WDPCP: variants seen among roughly 807,000 people sequenced by gnomAD.
WDPCP encodes WD repeat containing planar cell polarity effector.
Under a neutral mutation model 93.1 loss-of-function variants are expected in WDPCP, and 71 were observed. That is an observed-to-expected ratio of 0.76 (90% CI 0.63 to 0.93). The LOEUF is 0.93. WDPCP is among the 40% of genes least tolerant of loss of function. WDPCP has a pLI of 0.00. For synonymous variants in WDPCP, 315 were observed against 315.0 expected (o/e 1.00, Z 0.00); for missense variants, 844 against 887.4 (o/e 0.95, Z 0.62).
chr2:63,430,905 A>G lies in WDPCP; in HGVS notation c.825+2840T>C, dbSNP rs576621761. 1.2e-4 allele frequency among the ~76,000 whole-genome samples: 18 copies of G among 152,330 alleles called. No individual in the cohort carries two copies. In the East Asian group the frequency reaches 3.1e-3, roughly 26 times the overall value. On this transcript the variant is annotated intron_variant, in intron 9 of 17. Coordinates refer to ENST00000272321, the MANE Select transcript of WDPCP (RefSeq NM_015910.7). ...AAAATATATGTGTGGACTGTTGTTT[A>G]GAGTTCTGTGGTGTGAAATTAGACC...
In WDPCP at chr2:63,424,633, C is replaced by G. The variant is rs185531828; in HGVS notation, c.825+9112G>C. 4.1e-3 allele frequency among the ~76,000 whole-genome samples: 624 copies of G among 152,348 alleles called. 21 individuals carry two copies. The highest frequency in any genetic ancestry group is 0.038 in the Admixed American group (583 of 15,306). ...CCCAATCCCCCAGGGTTACAGCACA[C>G]AGCTCAGGGGAGCCAAGCTGAGATC... On this transcript the variant is annotated intron_variant, in intron 9 of 17. Transcript: ENST00000272321.
chr2:63,818,175 A>T (rs1218912282), intron 1 of WDPCP, among the ~76,000 whole-genome samples: 2 of 152,222 alleles, frequency 1.3e-5, no homozygotes, highest in Non-Finnish European at 1.5e-5. Context: ...CTAGCAGCCT[A>T]AGCAATCCCA....
chr2:63,693,452 T>C (rs1434414127), intron 2 of WDPCP, among the ~76,000 whole-genome samples: 1 of 146,230 alleles, frequency 6.8e-6, no homozygotes, highest in Non-Finnish European at 1.5e-5. Context: ...GATAGATAGA[T>C]AGATAGATAG....
chr2:63,184,585 G>A (rs114852395), intron 14 of WDPCP, among the ~76,000 whole-genome samples: 1,969 of 151,838 alleles, frequency 0.013, 38 homozygotes, highest in African/African-American at 0.042. Context: ...GAAGTCCACC[G>A]TTAGTCTGAT....
intron 17 of WDPCP, among the ~76,000 whole-genome samples, chr2:63,128,007 C>T (rs1258496650): frequency 6.6e-6 from 1 of 151,936 alleles, no homozygotes; most frequent in Non-Finnish European, 1.5e-5. Context: ...GGTGTGGTAG[C>T]GTGCTTCTGT....
At chr2:63,234,037 A>T (rs1164140726) in intron 14 of WDPCP, among the ~76,000 whole-genome samples, 1 of 152,220 alleles carries the variant, frequency 6.6e-6, no homozygotes, top group African/African-American at 2.4e-5. Flanking sequence ...ATTTTTACTC[A>T]TGGGTAAAAT....
chr2:63,796,070 T>C (rs193100667), intron 2 of WDPCP, among the ~76,000 whole-genome samples: 2 of 152,344 alleles, frequency 1.3e-5, no homozygotes, highest in South Asian at 2.1e-4. Flanking sequence ...AGAAGATTTC[T>C]GGTAAAGGTT....
At chr2:63,665,275 G>A (rs1710269318) in intron 2 of WDPCP, among the ~76,000 whole-genome samples, 1 of 152,182 alleles carries the variant, frequency 6.6e-6, no homozygotes, top group Non-Finnish European at 1.5e-5. Context: ...TGTGAGGGAA[G>A]AATCTGTTCT....
At chr2:63,811,350 A>G (rs1282898792) in intron 2 of WDPCP, among the ~76,000 whole-genome samples, 1 of 152,202 alleles carries the variant, frequency 6.6e-6, no homozygotes, top group South Asian at 2.1e-4. Context: ...GACTCACTCT[A>G]GAGACTTTCC....
chr2:63,721,704 C>T (rs1172804841), intron 2 of WDPCP, among the ~76,000 whole-genome samples: 2 of 148,550 alleles, frequency 1.3e-5, no homozygotes, highest in Admixed American at 1.3e-4. Context: ...CTCCCGCTCC[C>T]CCTGCCCCTC....
At chr2:63,451,124 C>T (rs75978849) in intron 6 of WDPCP, among the ~76,000 whole-genome samples, 5,368 of 151,470 alleles carry the variant, frequency 0.035, 364 homozygotes, top group African/African-American at 0.12. Context: ...AAGATATGAA[C>T]GAGAAATTTA....
At chr2:63,802,834 A>G (rs1458438442) in intron 2 of WDPCP, among the ~76,000 whole-genome samples, 1 of 152,226 alleles carries the variant, frequency 6.6e-6, no homozygotes, top group Non-Finnish European at 1.5e-5. Context: ...TCTTTAGGAC[A>G]TTTTAAACTG....
chr2:63,398,581 A>G (rs1693920692), intron 10 of WDPCP, among the ~76,000 whole-genome samples: 1 of 152,246 alleles, frequency 6.6e-6, no homozygotes, highest in Non-Finnish European at 1.5e-5. Context: ...CTTCAACATT[A>G]CACTAACTGA....
At chr2:63,607,967 T>C (rs1460976112) in intron 3 of WDPCP, among the ~76,000 whole-genome samples, 1 of 152,186 alleles carries the variant, frequency 6.6e-6, no homozygotes, top group Non-Finnish European at 1.5e-5. Context: ...AATCTCGTAT[T>C]TAAATAGAAT....
chr2:63,487,373 C>A, intron 3 of WDPCP, 74 bp downstream of exon 3: 1 of 1,084,794 alleles, frequency 9.2e-7, no homozygotes, highest in Admixed American at 2.0e-5. Flanking sequence ...GAGAAGAGAG[C>A]TTTTAATGGT....
At position 63,348,600 on chromosome 2, in the gene WDPCP, A is replaced by G. The variant is rs75575565; in HGVS notation, c.1748+29786T>C. Among the ~76,000 whole-genome samples the G allele has an allele frequency of 7.6e-4, 116 of 152,296 alleles. 1 individual carries two copies. In the East Asian group the frequency reaches 0.017, roughly 22 times the overall value. ...ATAATAATGGTAGGAGATACCATGTATATTTAATTGTGCTTATATGGGTAT... is the reference window on the plus strand; with the variant it reads ...ATAATAATGGTAGGAGATACCATGTGTATTTAATTGTGCTTATATGGGTAT... On this transcript the variant is annotated intron_variant, in intron 12 of 17. Transcript: ENST00000272321.
chr2:63,426,180 A>C (rs942698477), intron 9 of WDPCP, among the ~76,000 whole-genome samples: 3 of 152,078 alleles, frequency 2.0e-5, no homozygotes, highest in Non-Finnish European at 4.4e-5. Flanking sequence ...TTCTACTAAA[A>C]ATTACAAAAA....
chr2:63,434,836 G>C (rs1449201219), intron 8 of WDPCP, among the ~76,000 whole-genome samples: 1 of 152,054 alleles, frequency 6.6e-6, no homozygotes, highest in African/African-American at 2.4e-5. Context: ...CTGTCTGCAA[G>C]GCAACAAAGG....
Position 63,534,317 on chromosome 2 carries a change from T to A in WDPCP, c.76-41377A>T, listed in dbSNP as rs549194388. ...CCGGTACCATTCCTTCTGAAACTAT[T>A]CCAATCAATAGAAAAAGAGGTAATC... On this transcript the variant is annotated intron_variant, in intron 1 of 17. Coordinates refer to ENST00000272321, the MANE Select transcript of WDPCP (RefSeq NM_015910.7). Among the ~76,000 whole-genome samples, 19 of 152,262 alleles carry A rather than the reference T, an allele frequency of 1.2e-4. No homozygotes were observed. In the South Asian group the frequency reaches 3.5e-3, roughly 28 times the overall value.
Sources: allele counts gnomAD v4.1 joint callset (sites outside exome capture counted in the v4.1 genomes callset), GRCh38; gene constraint gnomAD v4.1.1; transcripts MANE v1.5; gene names NCBI Gene and HGNC (gene_info 2026-07-23, HGNC 2026-07-21).